The following TACC2 variants were observed in gnomAD, a reference collection of about 807,000 sequenced individuals.
TACC2 encodes transforming acidic coiled-coil containing protein 2, also known as transforming acidic coiled-coil-containing protein 2.
A neutral mutation model predicts 227.3 loss-of-function variants in TACC2; 137 were observed. That is an observed-to-expected ratio of 0.60 (90% CI 0.52 to 0.69). The LOEUF (loss-of-function observed/expected upper bound fraction) is 0.69. Among genes scored for constraint, TACC2 ranks in the 30% least tolerant of loss-of-function variants. The pLI is 0.00. For missense variants in TACC2, 3,470 were observed against 3,694.4 expected, an observed-to-expected ratio of 0.94 and a Z score of 1.57; for synonymous variants, 1,523 against 1,487.5, an observed-to-expected ratio of 1.02 and a Z score of -0.55.
At position 122,180,156 on chromosome 10, in the gene TACC2, G is replaced by C. The variant is rs1001217315; in HGVS notation, c.5835-14884G>C. Among the ~76,000 whole-genome samples the C allele has an allele frequency of 5.9e-5, 9 of 152,026 alleles. No individual in the cohort carries two copies. The highest frequency in any genetic ancestry group is 1.2e-4 in the Non-Finnish European group (8 of 68,012). On this transcript the variant is annotated intron_variant, in intron 7 of 22. Coordinates refer to ENST00000369005, the MANE Select transcript of TACC2 (RefSeq NM_206862.4). This position sits in a 1 kb window ranked among gnomAD's most constrained non-coding sequence, Gnocchi z 4.5. ...CAGACTCCTCATGGGTCTCAGCGAG[G>C]CCAGGTCATTGTCATTGTTACCTGC...
At chr10:122,149,125 C>T (rs938191368) in intron 7 of TACC2, among the ~76,000 whole-genome samples, 5 of 152,216 alleles carry the variant, frequency 3.3e-5, no homozygotes, top group African/African-American at 1.2e-4. Context: ...CCTCACCTCA[C>T]CAAGGCAGCC....
At position 122,220,469 on chromosome 10, in the gene TACC2, C is replaced by T. The variant is rs373963324; in HGVS notation, c.7546+3641C>T. 8.5e-5 allele frequency among the ~76,000 whole-genome samples: 13 copies of T among 152,286 alleles called. 2 individuals are homozygous for T. The South Asian group carries it at 2.1e-3, about 24-fold the overall frequency. ...GCAGTTTCAGGAGGTGTGGGCCCCACTGCATCCACCTCGCTAACACACCCA... is the reference window on the plus strand; with the variant it reads ...GCAGTTTCAGGAGGTGTGGGCCCCATTGCATCCACCTCGCTAACACACCCA... On this transcript the variant is annotated intron_variant, in intron 11 of 22. Coordinates refer to ENST00000369005, the MANE Select transcript of TACC2 (RefSeq NM_206862.4).
At chr10:122,170,722 C>T (rs1021394204) in intron 7 of TACC2, among the ~76,000 whole-genome samples, 60 of 152,130 alleles carry the variant, frequency 3.9e-4, no homozygotes, top group Middle Eastern at 3.2e-3. Flanking sequence ...GTCTAAAATC[C>T]AAATCCCTTG....
In TACC2 at chr10:122,086,259, G is replaced by A. The variant is rs759701337; in HGVS notation, c.3759G>A (p.Val1253=). The A allele has an allele frequency of 3.7e-6, 6 of 1,614,004 alleles. No individual in the cohort carries two copies. Among genetic ancestry groups the A allele is most frequent in the Non-Finnish European group, 5.1e-6 (6 of 1,180,038 alleles). Residue 1253 remains valine, a synonymous_variant, in exon 4 of 23, where the codon GTG becomes GTA. Transcript: ENST00000369005. ...AAQRGAEDSG[V]KAVSSADPRA... is the part of the protein sequence containing the mutation. ...AGAGAGGAGCAGAAGACAGTGGAGT[G>A]AAAGCTGTTTCCTCTGCAGACCCCA...
At chr10:122,195,849 C>T (rs561245286) in intron 8 of TACC2, among the ~76,000 whole-genome samples, 1 of 152,330 alleles carries the variant, frequency 6.6e-6, no homozygotes, top group Admixed American at 6.5e-5. Flanking sequence ...GAGATAGGGC[C>T]TGCCAGAAAT....
At chr10:122,213,777 G>T (rs2095345367) in intron 9 of TACC2, among the ~76,000 whole-genome samples, 1 of 152,136 alleles carries the variant, frequency 6.6e-6, no homozygotes, top group African/African-American at 2.4e-5. Context: ...TAACTGTCTG[G>T]TCTAACCACA....
chr10:122,100,125 G>A (rs192489565), intron 5 of TACC2, among the ~76,000 whole-genome samples: 44 of 152,188 alleles, frequency 2.9e-4, no homozygotes, highest in Non-Finnish European at 5.6e-4. Flanking sequence ...TTAGCCAAGC[G>A]TGGTGGCGTG....
intron 7 of TACC2, among the ~76,000 whole-genome samples, chr10:122,163,173 G>A (rs141729765): frequency 6.6e-6 from 1 of 152,252 alleles, no homozygotes; most frequent in Non-Finnish European, 1.5e-5. Context: ...AGAAGCCGGC[G>A]GTGGAAAAGG....
At chr10:122,069,963 G>A (rs1467093564) in intron 3 of TACC2, among the ~76,000 whole-genome samples, 2 of 152,194 alleles carry the variant, frequency 1.3e-5, no homozygotes, top group Non-Finnish European at 2.9e-5. Context: ...TGGGAAGGAA[G>A]CTGGATGATC....
At chr10:122,010,945 T>C (rs1187259353) in intron 1 of TACC2, among the ~76,000 whole-genome samples, 1 of 152,178 alleles carries the variant, frequency 6.6e-6, no homozygotes, top group African/African-American at 2.4e-5. Flanking sequence ...AGATCCCTCA[T>C]GTGTCGGTGT....
intron 7 of TACC2, among the ~76,000 whole-genome samples, chr10:122,177,568 A>C (rs1293302981): frequency 6.6e-6 from 1 of 152,120 alleles, no homozygotes; most frequent in African/African-American, 2.4e-5. Context: ...TAACATAGTG[A>C]GACCTGTCTC....
intron 2 of TACC2, among the ~76,000 whole-genome samples, chr10:122,048,653 C>T (rs570930058): frequency 1.2e-4 from 19 of 152,210 alleles, no homozygotes; most frequent in African/African-American, 3.1e-4. Flanking sequence ...CCACCGCACC[C>T]GGCTGGGGAG....
intron 3 of TACC2, among the ~76,000 whole-genome samples, chr10:122,065,086 TA>T (rs2136529605): frequency 6.6e-6 from 1 of 152,302 alleles, no homozygotes; most frequent in Non-Finnish European, 1.5e-5. Flanking sequence ...CTTGTTGATT[TA>T]AAAAAATTTT....
intron 6 of TACC2, among the ~76,000 whole-genome samples, chr10:122,138,978 A>C (rs2090116464): frequency 6.6e-6 from 1 of 152,188 alleles, no homozygotes; most frequent in African/African-American, 2.4e-5. Flanking sequence ...ACCAGGACTC[A>C]TCCCCAGAGA....
At chr10:122,022,898 C>T (rs11596204) in intron 2 of TACC2, 17,599 of 152,180 alleles carry the variant, frequency 0.12, 1,264 homozygotes, top group East Asian at 0.18. Flanking sequence ...TAACTTAATG[C>T]GTTGGTGAAC....
At chr10:122,092,346 A>G (rs1325768202) in intron 5 of TACC2, among the ~76,000 whole-genome samples, 1 of 152,176 alleles carries the variant, frequency 6.6e-6, no homozygotes, top group Non-Finnish European at 1.5e-5. Flanking sequence ...GTACCATATT[A>G]TATTGTATTT....
intron 7 of TACC2, among the ~76,000 whole-genome samples, chr10:122,162,740 A>G (rs6585797): frequency 0.99 from 150,391 of 152,296 alleles, 74,285 homozygotes; most frequent in Middle Eastern, 1. Flanking sequence ...AATGGGGCTG[A>G]CTGGGCACTG....
intron 7 of TACC2, among the ~76,000 whole-genome samples, chr10:122,145,207 C>T (rs759644585): frequency 5.9e-5 from 9 of 152,204 alleles, no homozygotes; most frequent in Non-Finnish European, 1.2e-4. Context: ...AAATATATGT[C>T]TACCTAAAAA....
intron 1 of TACC2, among the ~76,000 whole-genome samples, chr10:121,991,786 T>C (rs1953036540): frequency 6.6e-6 from 1 of 152,248 alleles, no homozygotes; most frequent in South Asian, 2.1e-4. Flanking sequence ...ATTTTCATGC[T>C]GCCGATAAAG....
Sources: gnomAD v4.1 joint callset for allele counts (sites outside exome capture counted in the v4.1 genomes callset) on GRCh38, gnomAD v4.1.1 for gene constraint, Gnocchi (gnomAD v3.1) non-coding constraint, MANE v1.5 for transcripts, NCBI Gene and HGNC (gene_info 2026-07-23, HGNC 2026-07-21) for gene names.